Variants in KAZN observed in about 807,000 individuals in gnomAD.
The protein encoded by KAZN is kazrin, periplakin interacting protein.
Under a neutral mutation model 87.4 loss-of-function variants are expected in KAZN, and 40 were observed. The ratio of observed to expected loss-of-function variants is 0.46; its 90% CI spans 0.36 to 0.60. KAZN has a LOEUF of 0.60. KAZN is among the 20% of genes least tolerant of loss of function. The probability of loss-of-function intolerance (pLI) is 0.00; values close to 1 mark genes in which losing one functional copy is unlikely to be tolerated. For missense variants in KAZN, 898 were observed against 1,073.9 expected (o/e 0.84, Z 2.29); for synonymous variants, 466 against 458.3 (o/e 1.02, Z -0.22).
chr1:14,052,171 G>T (rs1642368216), intron 1 of KAZN, among the ~76,000 whole-genome samples: 1 of 152,142 alleles, frequency 6.6e-6, no homozygotes, highest in African/African-American at 2.4e-5. Flanking sequence ...TCTCCCAGGG[G>T]TCAGCCAGAG....
chr1:15,107,211 G>A (rs544599), intron 13 of KAZN, among the ~76,000 whole-genome samples: 144,310 of 152,266 alleles, frequency 0.95, 68,408 homozygotes, highest in East Asian at 0.99. Context: ...CAGGCACTTG[G>A]GTGATCCATG....
chr1:14,659,518 C>T (rs143722274), intron 1 of KAZN, among the ~76,000 whole-genome samples: 128 of 152,264 alleles, frequency 8.4e-4, no homozygotes, highest in Non-Finnish European at 1.4e-3. Context: ...TTGCTATCTC[C>T]GTAGGCAGCA....
chr1:14,351,494 G>A (rs929259052), intron 2 of KAZN, among the ~76,000 whole-genome samples: 1 of 152,190 alleles, frequency 6.6e-6, no homozygotes. Flanking sequence ...GGGAGGAGGA[G>A]GTTGCCGTGA....
rs1305413059 is a variant in KAZN, at chr1:15,032,176, ATTTCTTTTTTTTTT to A, written c.419-2555_419-2542del. Among the ~76,000 whole-genome samples the A allele has an allele frequency of 8.2e-5, 9 of 110,406 alleles. No homozygotes were observed. In the East Asian group the frequency reaches 1.0e-3, roughly 12 times the overall value. 72.4% of individuals were successfully genotyped at this position (110,406 alleles called of 152,430 possible). On this transcript the variant is annotated intron_variant, in intron 2 of 14. Transcript: ENST00000376030. The stretch of plus-strand genomic sequence containing the variant: ...CTCTATAGATTTTCCCATTGTGGAC[ATTTCTTTTTTTTTT>A]TTTCTTTTTTTTTTTTTTTTGAGAC...
At chr1:14,248,542 G>T (rs371744934) in intron 2 of KAZN, among the ~76,000 whole-genome samples, 1 of 152,204 alleles carries the variant, frequency 6.6e-6, no homozygotes, top group Non-Finnish European at 1.5e-5. Context: ...GCTGGGAAAT[G>T]CTTCTCATGG....
intron 1 of KAZN, among the ~76,000 whole-genome samples, chr1:14,133,730 T>C (rs1028552530): frequency 6.6e-6 from 1 of 152,144 alleles, no homozygotes; most frequent in African/African-American, 2.4e-5. Context: ...CTTGGCTAAT[T>C]GTCATAATCC....
At chr1:14,690,427 C>T (rs773372499) in intron 1 of KAZN, among the ~76,000 whole-genome samples, 1 of 152,178 alleles carries the variant, frequency 6.6e-6, no homozygotes, top group Non-Finnish European at 1.5e-5. Flanking sequence ...GCAGACCGAG[C>T]TGGGCGTTCT....
chr1:14,369,375 T>C (rs1012993405), intron 2 of KAZN, among the ~76,000 whole-genome samples: 34 of 152,352 alleles, frequency 2.2e-4, no homozygotes, highest in Non-Finnish European at 3.8e-4. Flanking sequence ...AGGATGTGCA[T>C]GAGCCTATTG....
intron 4 of KAZN, among the ~76,000 whole-genome samples, chr1:15,048,035 C>T (rs908669631): frequency 6.6e-6 from 1 of 152,184 alleles, no homozygotes; most frequent in African/African-American, 2.4e-5. Flanking sequence ...GCAAAGCTCA[C>T]ACCTGCCAGT....
intron 2 of KAZN, among the ~76,000 whole-genome samples, chr1:14,413,431 A>C (rs1664467004): frequency 6.6e-6 from 1 of 151,830 alleles, no homozygotes; most frequent in Non-Finnish European, 1.5e-5. Flanking sequence ...TCTACTAAAA[A>C]TACAAAAAAT....
At chr1:14,118,193 A>G (rs1644671081) in intron 1 of KAZN, among the ~76,000 whole-genome samples, 3 of 152,218 alleles carry the variant, frequency 2.0e-5, no homozygotes, top group African/African-American at 7.2e-5. Flanking sequence ...TTCAACTTGT[A>G]TTCTTACCTA....
At chr1:15,006,739 G>A (rs957383117) in intron 2 of KAZN, among the ~76,000 whole-genome samples, 3 of 152,162 alleles carry the variant, frequency 2.0e-5, no homozygotes, top group Admixed American at 6.5e-5. Context: ...GGTGGGATGC[G>A]CCAAGGATTG....
intron 2 of KAZN, among the ~76,000 whole-genome samples, chr1:14,233,752 A>G (rs748045434): frequency 5.9e-5 from 9 of 152,226 alleles, no homozygotes; most frequent in Non-Finnish European, 8.8e-5. Flanking sequence ...TGTCTTTTGT[A>G]TGCAGAGCCC....
At chr1:13,900,356 G>T (rs1362498880) in intron 1 of KAZN, among the ~76,000 whole-genome samples, 3 of 152,040 alleles carry the variant, frequency 2.0e-5, no homozygotes, top group African/African-American at 4.8e-5. Flanking sequence ...CTCACCCTCA[G>T]CCCCAAGGTA....
intron 1 of KAZN, among the ~76,000 whole-genome samples, chr1:14,811,722 G>A (rs1236530395): frequency 1.3e-5 from 2 of 152,168 alleles, no homozygotes; most frequent in Non-Finnish European, 2.9e-5. Flanking sequence ...TAAAGGCATG[G>A]TAGTTGAATT....
At chr1:15,036,230 A>G (rs1004463068) in intron 3 of KAZN, among the ~76,000 whole-genome samples, 1 of 30,124 alleles carries the variant, frequency 3.3e-5, no homozygotes, top group African/African-American at 1.5e-4. Flanking sequence ...CTCTCCCCCC[A>G]TCCCCCTCTG....
intron 2 of KAZN, among the ~76,000 whole-genome samples, chr1:14,419,910 A>G (rs907211457): frequency 6.6e-6 from 1 of 152,104 alleles, no homozygotes; most frequent in African/African-American, 2.4e-5. Context: ...CAACAATGGG[A>G]TTTATTGCAA....
intron 2 of KAZN, among the ~76,000 whole-genome samples, chr1:14,965,838 T>C (rs1664398953): frequency 6.6e-6 from 1 of 152,228 alleles, no homozygotes; most frequent in Non-Finnish European, 1.5e-5. Flanking sequence ...TTTGCTCATA[T>C]GGTTTAGATC....
At chr1:14,164,300 T>C (rs1645772280) in intron 1 of KAZN, among the ~76,000 whole-genome samples, 1 of 152,154 alleles carries the variant, frequency 6.6e-6, no homozygotes, top group South Asian at 2.1e-4. Context: ...GGCTAGAAGA[T>C]ATGCCTTTAG....
Sources: allele counts gnomAD v4.1 joint callset (sites outside exome capture counted in the v4.1 genomes callset), GRCh38; gene constraint gnomAD v4.1.1; transcripts MANE v1.5; gene names NCBI Gene and HGNC (gene_info 2026-07-23, HGNC 2026-07-21).